The following NOX5 variants were observed in gnomAD, a reference collection of about 807,000 sequenced individuals.
The protein encoded by NOX5 is NADPH oxidase, EF-hand calcium binding domain 5.
A neutral mutation model predicts 85.7 loss-of-function variants in NOX5; 76 were observed. That is an observed-to-expected ratio of 0.89 (90% confidence interval 0.74 to 1.07). The LOEUF (loss-of-function observed/expected upper bound fraction) is 1.07. NOX5 is among the 50% of genes least tolerant of loss of function. NOX5 has a pLI of 0.00. For synonymous variants in NOX5, 405 were observed against 401.4 expected (o/e 1.01, Z -0.11); for missense variants, 973 against 999.5 (o/e 0.97, Z 0.36).
chr15:69,020,772 G>C (rs1231044688), intron 1 of NOX5, among the ~76,000 whole-genome samples: 1 of 151,934 alleles, frequency 6.6e-6, no homozygotes, highest in South Asian at 2.1e-4. Flanking sequence ...CATTAAACTA[G>C]AGAAACTAAA....
chr15:69,028,138 C>T lies in NOX5; in HGVS notation c.175-77C>T, dbSNP rs1233787870. ...CACCCCCCCACCACCACCCCAGACA[C>T]AGGGAGACAGTGAACAAATTCAAAG... On this transcript the variant is annotated intron_variant, in intron 2 of 15. Coordinates refer to ENST00000388866, the MANE Select transcript of NOX5 (RefSeq NM_024505.4). 16 of 1,480,404 alleles carry T rather than the reference C, an allele frequency of 1.1e-5. No individual in the cohort carries two copies. The African/African-American group carries it at 1.1e-4, about 10-fold the overall frequency. 91.7% of individuals were successfully genotyped at this position (1,480,404 alleles called of 1,614,324 possible).
intron 1 of NOX5, among the ~76,000 whole-genome samples, chr15:69,019,042 T>C (rs181641176): frequency 2.6e-5 from 4 of 152,318 alleles, no homozygotes; most frequent in African/African-American, 4.8e-5. Context: ...TTTTAAATTT[T>C]TGTAGAGATG....
At position 69,031,796 on chromosome 15, in the gene NOX5, G is replaced by C; in HGVS notation, c.604G>C (p.Glu202Gln). Residue 202 changes from glutamate to glutamine, a missense_variant, in exon 4 of 16, where the codon GAG becomes CAG. Glu to Gln is a conservative substitution (Grantham distance 29). Transcript: ENST00000388866. ...DELQRFPGVM[E>Q]NLTISAAHWL... ...GCTGCAGCGCTTCCCCGGAGTCATG[G>C]AGAACCTGACCATCAGGTACGGCCG... 6.2e-7 allele frequency: 1 copy of C among 1,600,184 alleles called. No homozygotes were observed. Among genetic ancestry groups the C allele is most frequent in the South Asian group, 1.1e-5 (1 of 90,526 alleles).
chr15:69,014,776 G>C lies in NOX5; in HGVS notation c.41G>C (p.Gly14Ala), dbSNP rs771234087. The change falls in exon 1 of 16, where the codon GGC (glycine) becomes GCC (alanine). Residue 14 changes from glycine (G) to alanine (A), a missense_variant. Physicochemically the swap from Gly to Ala is moderately conservative, Grantham distance 60. Transcript: ENST00000388866. ...GACCCAGCCCAGACGGGCCCTGAAG[G>C]CTGTAGAGGGTGAGTGGCTCATTTG... is the stretch of plus-strand genomic sequence containing the variant. ...SGDPAQTGPEGCRGTMSAEED... is the reference protein window; with the variant it reads ...SGDPAQTGPEACRGTMSAEED... The C allele has an allele frequency of 6.5e-7, 1 of 1,549,570 alleles. No individual in the cohort carries two copies. The highest frequency in any genetic ancestry group is 1.2e-5 in the South Asian group (1 of 84,042).
chr15:69,031,625 G>A lies in NOX5; in HGVS notation c.433G>A (p.Glu145Lys), dbSNP rs753930782. Residue 145 changes from glutamate to lysine, a missense_variant, in exon 4 of 16, where the codon GAG (glutamate) becomes AAG (lysine). Glu to Lys is a moderately conservative substitution (Grantham distance 56, BLOSUM62 1). Transcript: ENST00000388866. Reference protein sequence around the residue: ...GTGSGSIDPDELRTVLQSCLR... With the variant: ...GTGSGSIDPDKLRTVLQSCLR... ...AGGCAGTGGCTCCATTGACCCGGAT[G>A]AGCTGCGCACTGTGCTGCAGTCGTG... 6.2e-6 allele frequency: 10 copies of A among 1,613,326 alleles called. No homozygotes were observed. Among genetic ancestry groups the A allele is most frequent in the South Asian group, 2.2e-5 (2 of 91,084 alleles).
intron 1 of NOX5, among the ~76,000 whole-genome samples, chr15:69,021,975 A>G (rs1036805855): frequency 5.3e-5 from 8 of 152,240 alleles, no homozygotes; most frequent in African/African-American, 1.7e-4. Flanking sequence ...AAAGCTCTTC[A>G]TGATTTAGAA....
At position 69,060,793 on chromosome 15, in the gene NOX5, T is replaced by TA. The variant is rs1198145782; in HGVS notation, c.*4102dup. 6.6e-6 allele frequency: 1 copy of TA among 152,192 alleles called. No individual in the cohort carries two copies. Among genetic ancestry groups the TA allele is most frequent in the African/African-American group, 2.4e-5 (1 of 41,442 alleles). The allele number at this position is 152,192 out of a possible 1,614,324, so 9.4% of individuals were successfully genotyped here. A position where few individuals can be genotyped will look rare whatever the true frequency, so the allele number is the denominator to read the frequency against. On this transcript the variant is annotated 3_prime_UTR_variant, in exon 16 of 16. Coordinates refer to ENST00000388866, the MANE Select transcript of NOX5 (RefSeq NM_024505.4). ...TGTATATCATGTGGGGATAAATAGA[T>TA]AAAAATACACGGAAAGACAGTTAGA...
At chr15:69,041,598 C>G (rs1469609559) in intron 9 of NOX5, among the ~76,000 whole-genome samples, 2 of 152,226 alleles carry the variant, frequency 1.3e-5, no homozygotes, top group Non-Finnish European at 1.5e-5. Context: ...CTCACTACTA[C>G]TTCTGATTCC....
intron 13 of NOX5, 44 bp downstream of exon 13, chr15:69,047,955 T>C (rs1287741439): frequency 6.4e-7 from 1 of 1,564,624 alleles, no homozygotes; most frequent in African/African-American, 1.4e-5. Flanking sequence ...CCTTCTCCCC[T>C]GGACAACTCC....
chr15:69,049,734 T>C (rs1482385543), intron 14 of NOX5, among the ~76,000 whole-genome samples: 2 of 152,226 alleles, frequency 1.3e-5, no homozygotes, highest in South Asian at 2.1e-4. Context: ...CCAAATCAGA[T>C]AGATTCTCTG....
intron 3 of NOX5, 183 bp from the exon 4 acceptor site, chr15:69,031,335 C>A (rs1185894226): frequency 6.3e-6 from 4 of 630,270 alleles, no homozygotes; most frequent in African/African-American, 5.5e-5. Context: ...ACCACTGAAG[C>A]CAAAGATTCT....
chr15:69,039,686 A>G (rs2050570404), intron 9 of NOX5, among the ~76,000 whole-genome samples: 1 of 152,224 alleles, frequency 6.6e-6, no homozygotes, highest in African/African-American at 2.4e-5. Flanking sequence ...CCAAGGCAGC[A>G]GAATCCCTCA....
chr15:69,014,868 T>C, intron 1 of NOX5, 83 bp downstream of exon 1: 5 of 1,009,292 alleles, frequency 5.0e-6, no homozygotes, highest in Non-Finnish European at 7.6e-6. Context: ...CTACAAAAGG[T>C]AACTGTGTCT....
intron 14 of NOX5, among the ~76,000 whole-genome samples, chr15:69,050,652 G>C (rs2050736820): frequency 6.6e-6 from 1 of 152,166 alleles, no homozygotes; most frequent in African/African-American, 2.4e-5. Context: ...GCCTCCCAAA[G>C]TGCTGGAATT....
chr15:69,032,957 C>A, intron 4 of NOX5, 86 bp from the exon 5 acceptor site: 1 of 1,498,822 alleles, frequency 6.7e-7, no homozygotes, highest in Non-Finnish European at 8.8e-7. Flanking sequence ...CTTGGTCGGC[C>A]ATAGCTTGAA....
chr15:69,023,458 A>G, intron 1 of NOX5: 1 of 435,370 alleles, frequency 2.3e-6, no homozygotes, highest in Non-Finnish European at 4.5e-6. Flanking sequence ...ACTTTGGGCT[A>G]AAAAATGATT....
At chr15:69,031,219 G>A in intron 3 of NOX5, 1 of 462,150 alleles carries the variant, frequency 2.2e-6, no homozygotes, top group Non-Finnish European at 3.9e-6. Context: ...AACTGAGGCT[G>A]TGGGCACACC....
chr15:69,020,911 T>A (rs1262495912), intron 1 of NOX5, among the ~76,000 whole-genome samples: 1 of 152,120 alleles, frequency 6.6e-6, no homozygotes, highest in Non-Finnish European at 1.5e-5. Context: ...TCCTTAGCAT[T>A]TATTGACATA....
intron 4 of NOX5, 26 bp downstream of exon 4, chr15:69,031,838 A>G (rs1595775748): frequency 6.3e-7 from 1 of 1,579,300 alleles, no homozygotes; most frequent in African/African-American, 1.3e-5. Flanking sequence ...GGGCATTGGC[A>G]CTGTCCACGG....
Sources: gnomAD v4.1 joint callset for allele counts (sites outside exome capture counted in the v4.1 genomes callset) on GRCh38, gnomAD v4.1.1 for gene constraint, MANE v1.5 for transcripts, NCBI Gene and HGNC (gene_info 2026-07-23, HGNC 2026-07-21) for gene names.